Variants in C13orf46 observed in about 807,000 individuals in gnomAD.
C13orf46 encodes the protein uncharacterized protein C13orf46.
chr13:113,950,489 T>C (rs1166068608), downstream of C13orf46, among the ~76,000 whole-genome samples: 2 of 152,206 alleles, frequency 1.3e-5, no homozygotes, highest in African/African-American at 4.8e-5. Context: ...ATCTGTAGAG[T>C]GGGGTCATCA....
At chr13:113,948,689 T>C in the C13orf46 span, among the ~76,000 whole-genome samples, 4 of 152,354 alleles carry the variant, frequency 2.6e-5, no homozygotes, top group East Asian at 5.8e-4. Flanking sequence ...AGTTCATGAA[T>C]TGCTGAACGC....
intron 1 of C13orf46, among the ~76,000 whole-genome samples, chr13:113,971,100 C>T (rs1258215896): frequency 6.6e-6 from 1 of 152,210 alleles, no homozygotes; most frequent in South Asian, 2.1e-4. Context: ...TTGGAGTGAG[C>T]GGATTCCAGA....
chr13:113,964,186 T>A (rs1304759784), intron 6 of C13orf46, among the ~76,000 whole-genome samples: 2 of 152,232 alleles, frequency 1.3e-5, no homozygotes, highest in Non-Finnish European at 2.9e-5. Flanking sequence ...CAATTCATCC[T>A]TTAAAAAAAT....
intron 2 of C13orf46, among the ~76,000 whole-genome samples, chr13:113,969,725 G>A (rs2052684099): frequency 6.6e-6 from 1 of 152,222 alleles, no homozygotes; most frequent in Non-Finnish European, 1.5e-5. Context: ...GGTGCAGGGA[G>A]GCAAGAACTC....
intron 6 of C13orf46, among the ~76,000 whole-genome samples, chr13:113,964,558 A>C (rs1179876522): frequency 6.6e-6 from 1 of 152,074 alleles, no homozygotes; most frequent in Non-Finnish European, 1.5e-5. Context: ...GCTAAAACCT[A>C]AACAGGAGAA....
At chr13:113,943,651 G>T in the C13orf46 span, among the ~76,000 whole-genome samples, 1 of 152,340 alleles carries the variant, frequency 6.6e-6, no homozygotes, top group Admixed American at 6.5e-5. Context: ...CACCTCTCGG[G>T]TTACATTTTA....
chr13:113,944,584 G>A, the C13orf46 span, among the ~76,000 whole-genome samples: 27 of 150,370 alleles, frequency 1.8e-4, no homozygotes, highest in Non-Finnish European at 4.0e-4. Context: ...CCAGGTGTGT[G>A]ACGGGCTCTG....
At chr13:113,959,734 C>T (rs1026633839) in intron 6 of C13orf46, among the ~76,000 whole-genome samples, 3 of 152,170 alleles carry the variant, frequency 2.0e-5, no homozygotes, top group African/African-American at 4.8e-5. Context: ...TGGCAATCTG[C>T]GATGATAGAG....
In C13orf46 at chr13:113,955,334, A is replaced by T. The variant is rs1212130685; in HGVS notation, c.*1439T>A. The T allele has an allele frequency of 5.2e-5, 9 of 174,686 alleles. No homozygotes were observed. In the South Asian group the frequency reaches 9.3e-4, roughly 18 times the overall value. The allele number at this position is 174,686 out of a possible 1,614,324, so 10.8% of individuals were successfully genotyped here. A position where few individuals can be genotyped will look rare whatever the true frequency, so the allele number is the denominator to read the frequency against. On this transcript the variant is annotated 3_prime_UTR_variant, in exon 7 of 7. Transcript: ENST00000636427. ...AGAGGAGTAGTATCTGGTGGAGAGG[A>T]GGAGTAGTATCTGGTGGAGAGGAGG...
chr13:113,971,447 C>T (rs530482552), intron 1 of C13orf46, among the ~76,000 whole-genome samples: 7 of 152,336 alleles, frequency 4.6e-5, no homozygotes, highest in East Asian at 1.9e-4. Context: ...AGAGGTGGAG[C>T]GCAGAGCCTT....
At chr13:113,972,429 C>G (rs12018576) in intron 1 of C13orf46, among the ~76,000 whole-genome samples, 1 of 152,204 alleles carries the variant, frequency 6.6e-6, no homozygotes, top group African/African-American at 2.4e-5. Flanking sequence ...CGAGTCCTAC[C>G]GGGCTGTCTC....
chr13:113,931,890 G>A, the C13orf46 span, among the ~76,000 whole-genome samples: 1 of 152,086 alleles, frequency 6.6e-6, no homozygotes, highest in African/African-American at 2.4e-5. Context: ...TGCACCCACA[G>A]AGCCATGACC....
rs1267107908 is a variant in C13orf46, at chr13:113,971,469, C to T, written c.191-1247G>A. On this transcript the variant is annotated intron_variant, in intron 1 of 6. Coordinates refer to ENST00000636427, the MANE Select transcript of C13orf46 (RefSeq NM_001365455.2). ...GAGCGCAGAGCCTTTGCAGAATCAACAGGCGTCCAGGGTGCATGTGGGCTC... is the reference window on the plus strand; with the variant it reads ...GAGCGCAGAGCCTTTGCAGAATCAATAGGCGTCCAGGGTGCATGTGGGCTC... Among the ~76,000 whole-genome samples the T allele has an allele frequency of 2.0e-5, 3 of 152,232 alleles. No individual in the cohort carries two copies. In the East Asian group the frequency reaches 5.8e-4, roughly 29 times the overall value.
At chr13:113,945,049 C>T in the C13orf46 span, among the ~76,000 whole-genome samples, 22 of 148,162 alleles carry the variant, frequency 1.5e-4, no homozygotes, top group African/African-American at 5.3e-4. Flanking sequence ...ACAAGTCCTC[C>T]AGGTGTGTGA....
the C13orf46 span, among the ~76,000 whole-genome samples, chr13:113,930,080 C>T: frequency 2.1e-3 from 313 of 152,312 alleles, 1 homozygote; most frequent in Admixed American, 3.2e-3. Flanking sequence ...ATTTGATGCC[C>T]GGCAGCCAGC....
chr13:113,969,784 T>C (rs904833995), intron 2 of C13orf46, among the ~76,000 whole-genome samples: 3 of 152,108 alleles, frequency 2.0e-5, no homozygotes, highest in Admixed American at 2.0e-4. Flanking sequence ...GCCCTCTCCC[T>C]AAAGGAGCAC....
the C13orf46 span, among the ~76,000 whole-genome samples, chr13:113,940,546 CTGGGA>C: frequency 1.7e-4 from 19 of 114,006 alleles, no homozygotes; most frequent in African/African-American, 2.6e-4. Flanking sequence ...ACCCTGGTCT[CTGGGA>C]CTCCATGTGT....
chr13:113,945,927 T>G, the C13orf46 span, among the ~76,000 whole-genome samples: 1 of 139,504 alleles, frequency 7.2e-6, no homozygotes. Flanking sequence ...TAGAGTCCAG[T>G]GCTCTGTGGG....
chr13:113,942,346 C>T, the C13orf46 span, among the ~76,000 whole-genome samples: 1 of 152,180 alleles, frequency 6.6e-6, no homozygotes, highest in Non-Finnish European at 1.5e-5. Context: ...AGTCAAAGTC[C>T]ACGGAACTGA....
Sources: allele counts gnomAD v4.1 joint callset (sites outside exome capture counted in the v4.1 genomes callset), GRCh38; gene constraint gnomAD v4.1.1; transcripts MANE v1.5; gene names NCBI Gene and HGNC (gene_info 2026-07-23, HGNC 2026-07-21).